ICA1L: variants seen among roughly 807,000 people sequenced by gnomAD.
ICA1L encodes the protein islet cell autoantigen 1 like, also known as islet cell autoantigen 1-like protein.
ICA1L carries 50 observed loss-of-function variants against 61.3 expected under a neutral mutation model. The observed-to-expected ratio is 0.82, with a 90% CI of 0.65 to 1.03. ICA1L has a LOEUF of 1.03. Among genes scored for constraint, ICA1L ranks in the 50% least tolerant of loss-of-function variants. The probability of loss-of-function intolerance (pLI) is 0.00; values close to 1 mark genes in which losing one functional copy is unlikely to be tolerated. For synonymous variants in ICA1L, 161 were observed against 191.3 expected, an observed-to-expected ratio of 0.84 and a Z score of 1.31; for missense variants, 508 against 556.7, an observed-to-expected ratio of 0.91 and a Z score of 0.88.
Position 202,798,214 on chromosome 2 carries a change from T to C in ICA1L, c.911-1250A>G, listed in dbSNP as rs188407010. ...TTACAATGATTCCATATCTTGGCTATTGTGATTAAGGATATGCTTTACTTT... is the reference window on the plus strand; with the variant it reads ...TTACAATGATTCCATATCTTGGCTACTGTGATTAAGGATATGCTTTACTTT... On this transcript the variant is annotated intron_variant, in intron 9 of 12. Transcript: ENST00000358299. Among the ~76,000 whole-genome samples the C allele has an allele frequency of 3.8e-4, 58 of 152,288 alleles. No individual in the cohort carries two copies. In the East Asian group the frequency reaches 0.011, roughly 28 times the overall value.
intron 3 of ICA1L, among the ~76,000 whole-genome samples, chr2:202,823,181 T>C (rs778896688): frequency 6.6e-6 from 1 of 152,130 alleles, no homozygotes; most frequent in Non-Finnish European, 1.5e-5. Context: ...CTGTGCTGCT[T>C]CTATGTTGAG....
At chr2:202,859,867 T>G (rs1694864291) in intron 1 of ICA1L, among the ~76,000 whole-genome samples, 1 of 152,202 alleles carries the variant, frequency 6.6e-6, no homozygotes, top group Non-Finnish European at 1.5e-5. Context: ...TCTCCTTTGG[T>G]CTTCATAATA....
At chr2:202,817,196 G>C (rs1216741473) in intron 6 of ICA1L, among the ~76,000 whole-genome samples, 1 of 151,990 alleles carries the variant, frequency 6.6e-6, no homozygotes, top group Admixed American at 6.6e-5. Context: ...TGGTCCCTAA[G>C]TCTCTCTCTC....
chr2:202,868,925 G>C (rs573749777), intron 1 of ICA1L, among the ~76,000 whole-genome samples: 1 of 152,094 alleles, frequency 6.6e-6, no homozygotes, highest in East Asian at 1.9e-4. Flanking sequence ...CTGAGATCGC[G>C]CCACTGCACT....
In ICA1L at chr2:202,796,922, A is replaced by G. The variant is rs1394061776; in HGVS notation, c.953T>C (p.Phe318Ser). 4 of 1,603,558 alleles carry G rather than the reference A, an allele frequency of 2.5e-6. No homozygotes were observed. Among genetic ancestry groups the G allele is most frequent in the South Asian group, 1.1e-5 (1 of 89,608 alleles). Residue 318 changes from phenylalanine (F) to serine (S), a missense_variant, in exon 10 of 13, where the codon TTT becomes TCT. By Grantham distance (155) the Phe-to-Ser change is radical. Transcript: ENST00000358299. ...HNEKHSQMRE[F>S]GAPQFSNSEN... ...AGAGTTAGAAAACTGAGGTGCTCCA[A>G]ATTCTCTCATTTGAGAATGTTTTTC...
At chr2:202,823,904 T>G (rs915684354) in intron 3 of ICA1L, among the ~76,000 whole-genome samples, 1 of 152,206 alleles carries the variant, frequency 6.6e-6, no homozygotes, top group Non-Finnish European at 1.5e-5. Context: ...ACATGGCAGG[T>G]AGTCAAAAAA....
chr2:202,797,132 T>TTGTGTGTGTATA (rs542686344), intron 9 of ICA1L, among the ~76,000 whole-genome samples, 168 bp from the exon 10 acceptor site: 8 of 147,726 alleles, frequency 5.4e-5, no homozygotes, highest in Admixed American at 3.4e-4. Flanking sequence ...AAAATCACAT[T>TTGTGTGTGTATA]TGTGTGTGTG....
In ICA1L at chr2:202,862,837, T is replaced by TA. The variant is rs548270259; in HGVS notation, c.-8+8781dup. 4.3e-3 allele frequency among the ~76,000 whole-genome samples: 620 copies of TA among 145,466 alleles called. 2 individuals carry two copies. Among genetic ancestry groups the TA allele is most frequent in the Non-Finnish European group, 6.9e-3 (454 of 65,914 alleles). ...AGGCAACAAGAGTGAGACTTCATCTTAAAAAAAAAAGAATAAATATAAATA... is the reference window on the plus strand; with the variant it reads ...AGGCAACAAGAGTGAGACTTCATCTTAAAAAAAAAAAGAATAAATATAAATA... On this transcript the variant is annotated intron_variant, in intron 1 of 12. Coordinates refer to ENST00000358299, the MANE Select transcript of ICA1L (RefSeq NM_001288622.3).
At chr2:202,808,727 C>T (rs1693295084) in intron 9 of ICA1L, among the ~76,000 whole-genome samples, 1 of 152,214 alleles carries the variant, frequency 6.6e-6, no homozygotes. Flanking sequence ...GAGTCTCTGC[C>T]TGGGTAATAC....
intron 1 of ICA1L, among the ~76,000 whole-genome samples, chr2:202,835,294 C>T (rs1243203167): frequency 6.7e-6 from 1 of 148,984 alleles, no homozygotes; most frequent in Non-Finnish European, 1.5e-5. Flanking sequence ...CAGCCTCCAC[C>T]TCCCAAATTC....
chr2:202,844,239 T>C (rs1031045857), intron 1 of ICA1L: 2 of 152,050 alleles, frequency 1.3e-5, no homozygotes, highest in Non-Finnish European at 2.9e-5. Flanking sequence ...AGCCATACAT[T>C]GTGGCATATG....
At chr2:202,780,116 T>C (rs1692355094) in intron 12 of ICA1L, among the ~76,000 whole-genome samples, 1 of 152,158 alleles carries the variant, frequency 6.6e-6, no homozygotes, top group South Asian at 2.1e-4. Flanking sequence ...TCAGATAAGG[T>C]TTAAAAGTAA....
At chr2:202,862,272 C>CCAAAAAAAAAAAAAAAAAAAAAAAAAA in intron 1 of ICA1L, among the ~76,000 whole-genome samples, 1 of 62,978 alleles carries the variant, frequency 1.6e-5, no homozygotes, top group Non-Finnish European at 2.6e-5. Flanking sequence ...CTCATTTCTA[C>CCAAAAAAAAAAAAAAAAAAAAAAAAAA]AAAAAAAAAA....
At chr2:202,783,023 C>T (rs922025039) in intron 12 of ICA1L, among the ~76,000 whole-genome samples, 2 of 151,988 alleles carry the variant, frequency 1.3e-5, no homozygotes, top group African/African-American at 4.8e-5. Context: ...TGGCTGACCT[C>T]AAAGTACTGG....
rs377719994 is a variant in ICA1L at position 202,869,372 on chromosome 2, GAAATA to G, written c.-8+2242_-8+2246del. On this transcript the variant is annotated intron_variant, in intron 1 of 12. Coordinates refer to ENST00000358299, the MANE Select transcript of ICA1L (RefSeq NM_001288622.3). ...ACTCTGTCTCAAAAAAATAAAATAA[GAAATA>G]AAATAAAATAAAATAACACTGAGTG... Among the ~76,000 whole-genome samples the G allele has an allele frequency of 4.0e-3, 604 of 151,792 alleles. 3 individuals carry two copies. The highest frequency in any genetic ancestry group is 5.6e-3 in the Non-Finnish European group (380 of 67,872).
At chr2:202,865,329 C>T (rs1437005029) in intron 1 of ICA1L, among the ~76,000 whole-genome samples, 3 of 145,348 alleles carry the variant, frequency 2.1e-5, no homozygotes, top group East Asian at 2.1e-4. Context: ...ATTAGCCGGG[C>T]GTGGTGGTGC....
At chr2:202,816,760 G>A (rs1693547142) in intron 6 of ICA1L, among the ~76,000 whole-genome samples, 1 of 152,106 alleles carries the variant, frequency 6.6e-6, no homozygotes. Flanking sequence ...TCTTATGTAA[G>A]TACAGTTTAT....
At chr2:202,810,241 G>T (rs2105842091) in intron 9 of ICA1L, among the ~76,000 whole-genome samples, 1 of 152,320 alleles carries the variant, frequency 6.6e-6, no homozygotes, top group Non-Finnish European at 1.5e-5. Context: ...AGTATATCCA[G>T]CGAAAATATC....
intron 10 of ICA1L, among the ~76,000 whole-genome samples, chr2:202,793,290 T>G (rs766330615): frequency 4.6e-5 from 7 of 151,836 alleles, no homozygotes; most frequent in Non-Finnish European, 7.4e-5. Flanking sequence ...AACAGACTGA[T>G]TTCTATAGAG....
Sources: allele counts gnomAD v4.1 joint callset (sites outside exome capture counted in the v4.1 genomes callset), GRCh38; gene constraint gnomAD v4.1.1; transcripts MANE v1.5; gene names NCBI Gene and HGNC (gene_info 2026-07-23, HGNC 2026-07-21).